The following AIG1 variants were observed in gnomAD, a reference collection of about 807,000 sequenced individuals.
AIG1 encodes androgen induced 1.
AIG1 carries 23 observed loss-of-function variants against 31.4 expected under a neutral mutation model. The observed-to-expected ratio is 0.73, with a 90% confidence interval of 0.53 to 1.04. The LOEUF (loss-of-function observed/expected upper bound fraction) is 1.04. AIG1 is among the 50% of genes least tolerant of loss of function. The pLI is 0.00. For missense variants in AIG1, 274 were observed against 295.0 expected, an observed-to-expected ratio of 0.93 and a Z score of 0.52; for synonymous variants, 100 against 110.5, an observed-to-expected ratio of 0.90 and a Z score of 0.60.
At chr6:143,221,053 C>A (rs1792472052) in intron 3 of AIG1, among the ~76,000 whole-genome samples, 1 of 152,056 alleles carries the variant, frequency 6.6e-6, no homozygotes, top group Admixed American at 6.5e-5. Flanking sequence ...GTCAAGCATT[C>A]CCAGGTGGGT....
intron 1 of AIG1, among the ~76,000 whole-genome samples, chr6:143,064,449 A>G (rs909582946): frequency 1.3e-5 from 2 of 152,202 alleles, no homozygotes; most frequent in African/African-American, 4.8e-5. Flanking sequence ...TAGAGTTTCC[A>G]GGAACACATA....
At position 143,062,595 on chromosome 6, in the gene AIG1, G is replaced by A. The variant is rs142917614; in HGVS notation, c.141+1529G>A. 4.4e-3 allele frequency among the ~76,000 whole-genome samples: 674 copies of A among 152,284 alleles called. 9 individuals are homozygous for A. Among genetic ancestry groups the A allele is most frequent in the South Asian group, 0.027 (130 of 4,826 alleles). On this transcript the variant is annotated intron_variant, in intron 1 of 5. Coordinates refer to ENST00000357847, the MANE Select transcript of AIG1 (RefSeq NM_016108.4). ...TTGATTGGCTTGTCAATGAGGATTGGCTTTGCCAATTATGTTGTGTAGCAG... is the reference window on the plus strand; with the variant it reads ...TTGATTGGCTTGTCAATGAGGATTGACTTTGCCAATTATGTTGTGTAGCAG...
At chr6:143,185,915 C>A (rs1181976767) in intron 3 of AIG1, among the ~76,000 whole-genome samples, 1 of 152,174 alleles carries the variant, frequency 6.6e-6, no homozygotes, top group East Asian at 1.9e-4. Flanking sequence ...TTTTCTACAT[C>A]CTTCAGTGAG....
Position 143,330,566 on chromosome 6 carries a change from G to T in AIG1, c.516-2716G>T, listed in dbSNP as rs958410256. ...GGAGATTAAATCAGAAAAGTGCGGG[G>T]TAGGGCCTTGAAGAACCATCTAGGG... On this transcript the variant is annotated intron_variant, in intron 4 of 5. Transcript: ENST00000357847. The surrounding 1 kb of genome is among the most constrained non-coding windows in gnomAD (Gnocchi z 4.4). Among the ~76,000 whole-genome samples the T allele has an allele frequency of 6.6e-6, 1 of 152,100 alleles. No homozygotes were observed. Among genetic ancestry groups the T allele is most frequent in the Non-Finnish European group, 1.5e-5 (1 of 68,008 alleles).
At chr6:143,183,282 A>G (rs113765255) in intron 3 of AIG1, among the ~76,000 whole-genome samples, 3,333 of 146,694 alleles carry the variant, frequency 0.023, 104 homozygotes, top group African/African-American at 0.069. Flanking sequence ...TGAAACCTCC[A>G]ACTCCCTGGT....
intron 1 of AIG1, among the ~76,000 whole-genome samples, chr6:143,116,030 A>C (rs527559288): frequency 6.6e-6 from 1 of 152,362 alleles, no homozygotes; most frequent in East Asian, 1.9e-4. Flanking sequence ...AGGAATGAAT[A>C]AAAGGTAATC....
chr6:143,283,921 A>G (rs1225359263), intron 3 of AIG1, among the ~76,000 whole-genome samples, 189 bp from the exon 4 acceptor site: 1 of 152,238 alleles, frequency 6.6e-6, no homozygotes, highest in East Asian at 1.9e-4. Flanking sequence ...ATACAGAAGA[A>G]AAATATTAAT....
intron 1 of AIG1, among the ~76,000 whole-genome samples, chr6:143,076,710 T>C (rs1777760961): frequency 6.6e-6 from 1 of 151,710 alleles, no homozygotes; most frequent in Non-Finnish European, 1.5e-5. Flanking sequence ...TCTTGCTTTG[T>C]TGCCCAGGGT....
intron 1 of AIG1, among the ~76,000 whole-genome samples, chr6:143,072,673 T>C (rs955439595): frequency 6.6e-6 from 1 of 152,210 alleles, no homozygotes; most frequent in Non-Finnish European, 1.5e-5. Context: ...TACAAATGGA[T>C]GTTGAATTTC....
At chr6:143,173,527 A>G (rs1445952294) in intron 3 of AIG1, among the ~76,000 whole-genome samples, 2 of 152,224 alleles carry the variant, frequency 1.3e-5, no homozygotes, top group African/African-American at 4.8e-5. Context: ...ATTTAATGCT[A>G]TGAACTTTCC....
chr6:143,145,337 G>T (rs1784612250), intron 2 of AIG1, among the ~76,000 whole-genome samples: 1 of 152,132 alleles, frequency 6.6e-6, no homozygotes, highest in East Asian at 1.9e-4. Context: ...ATTTTCATTT[G>T]AGACTTGTAC....
intron 1 of AIG1, among the ~76,000 whole-genome samples, chr6:143,085,037 A>G (rs1249162030): frequency 6.6e-6 from 1 of 152,222 alleles, no homozygotes; most frequent in East Asian, 1.9e-4. Context: ...ATCTAGCAGT[A>G]ACATTACATC....
intron 1 of AIG1, among the ~76,000 whole-genome samples, chr6:143,070,928 G>A: frequency 6.6e-6 from 1 of 152,218 alleles, no homozygotes; most frequent in Non-Finnish European, 1.5e-5. Context: ...GAAATACAGA[G>A]AGATACTGTG....
intron 3 of AIG1, among the ~76,000 whole-genome samples, chr6:143,182,850 T>C (rs1788860777): frequency 6.6e-6 from 1 of 152,224 alleles, no homozygotes; most frequent in Non-Finnish European, 1.5e-5. Flanking sequence ...TCTTGTTCTC[T>C]TTTTCTCTCA....
At chr6:143,077,738 T>A (rs914111886) in intron 1 of AIG1, among the ~76,000 whole-genome samples, 1 of 152,236 alleles carries the variant, frequency 6.6e-6, no homozygotes, top group African/African-American at 2.4e-5. Context: ...TCACTCAGTT[T>A]GAGAAGTTTT....
chr6:143,313,453 G>A (rs1456326173), intron 4 of AIG1, among the ~76,000 whole-genome samples: 15 of 152,050 alleles, frequency 9.9e-5, no homozygotes, highest in Admixed American at 7.2e-4. Flanking sequence ...AGCCAGGCGC[G>A]GAAAGACAAA....
At chr6:143,178,077 G>T (rs773132945) in intron 3 of AIG1, among the ~76,000 whole-genome samples, 8 of 152,232 alleles carry the variant, frequency 5.3e-5, no homozygotes, top group Non-Finnish European at 1.0e-4. Context: ...CAGGCTTCAG[G>T]CAGGTAGCTC....
intron 1 of AIG1, among the ~76,000 whole-genome samples, chr6:143,078,559 T>G (rs762572191): frequency 2.6e-5 from 4 of 152,196 alleles, no homozygotes; most frequent in Non-Finnish European, 2.9e-5. Context: ...TCTACATGGC[T>G]GGGGAGGCCT....
intron 1 of AIG1, among the ~76,000 whole-genome samples, chr6:143,096,201 C>G (rs367967683): frequency 6.6e-6 from 1 of 152,092 alleles, no homozygotes; most frequent in South Asian, 2.1e-4. Flanking sequence ...CCACCACGCC[C>G]GGCCCTAGAT....
Sources: allele counts gnomAD v4.1 joint callset (sites outside exome capture counted in the v4.1 genomes callset), GRCh38; gene constraint gnomAD v4.1.1; non-coding constraint Gnocchi (gnomAD v3.1); transcripts MANE v1.5; gene names NCBI Gene and HGNC (gene_info 2026-07-23, HGNC 2026-07-21).